The following PDLIM2 variants were observed in gnomAD, a reference collection of about 807,000 sequenced individuals.
PDLIM2 encodes PDZ and LIM domain 2.
PDLIM2 carries 51 observed loss-of-function variants against 54.1 expected under a neutral mutation model. That is an observed-to-expected ratio of 0.94 (90% CI 0.75 to 1.19). The LOEUF (loss-of-function observed/expected upper bound fraction) is 1.19. PDLIM2 is among the 50% of genes most tolerant of loss of function. PDLIM2 has a pLI of 0.00. For synonymous variants in PDLIM2, 398 were observed against 385.6 expected, an observed-to-expected ratio of 1.03 and a Z score of -0.38; for missense variants, 912 against 874.0, an observed-to-expected ratio of 1.04 and a Z score of -0.55.
chr8:22,597,000 G>A, downstream of PDLIM2: 1 of 150,730 alleles, frequency 6.6e-6, no homozygotes, highest in South Asian at 2.1e-4. Context: ...TCCAGGCACA[G>A]CTCTGGTCAC....
At chr8:22,580,573 G>A (rs1472454645) in intron 1 of PDLIM2, 2 of 1,613,664 alleles carry the variant, frequency 1.2e-6, no homozygotes, top group South Asian at 2.2e-5. Flanking sequence ...TAGGGGCATG[G>A]ACTTCACCTC....
At chr8:22,588,828 A>C in intron 6 of PDLIM2, 1 of 192,410 alleles carries the variant, frequency 5.2e-6, no homozygotes, top group Admixed American at 5.8e-5. Flanking sequence ...GCCGGCCCTG[A>C]CTCCCAGGGG....
At chr8:22,589,886 C>A (rs538918626) in intron 8 of PDLIM2, 145 bp downstream of exon 7, 4 of 1,175,558 alleles carry the variant, frequency 3.4e-6, no homozygotes, top group African/African-American at 3.1e-5. Context: ...GAGCGCGAAG[C>A]CCCAGCCCCT....
At chr8:22,582,909 AC>A (rs1307370816) in intron 3 of PDLIM2, among the ~76,000 whole-genome samples, 2,685 of 37,264 alleles carry the variant, frequency 0.072, 93 homozygotes, top group African/African-American at 0.19. Flanking sequence ...CGTGATGCCC[AC>A]CCCCCCCCCC....
At chr8:22,580,509 C>T (rs1800156085) in intron 1 of PDLIM2, 2 of 1,598,994 alleles carry the variant, frequency 1.3e-6, no homozygotes, top group Admixed American at 1.7e-5. Flanking sequence ...GTGGTGCCCT[C>T]TCCTTCTCCC....
rs1486621502 is a variant in PDLIM2 at position 22,581,550 on chromosome 8, A to C, written c.995+20A>C. On this transcript the variant is annotated intron_variant, in intron 3 of 9. Coordinates refer to ENST00000308354, the Ensembl canonical transcript of PDLIM2. ...GGACCGGTAGGGCCTCCCGCTCTGC[A>C]GAGCCTGTGGCATTCCCCCTCCTCC... The C allele has an allele frequency of 1.3e-6, 2 of 1,552,808 alleles. No homozygotes were observed. The highest frequency in any genetic ancestry group is 2.7e-5 in the African/African-American group (2 of 74,146).
chr8:22,589,120 C>T (rs543056038), intron 6 of PDLIM2, 178 bp from the exon 6 acceptor site: 10 of 519,402 alleles, frequency 1.9e-5, no homozygotes, highest in African/African-American at 4.4e-5. Context: ...GCCCGCTGGT[C>T]GGCGAGGGCT....
exon 10 of PDLIM2, chr8:22,594,159 A>C (rs1276429840): frequency 1.4e-6 from 2 of 1,416,404 alleles, no homozygotes; most frequent in African/African-American, 2.9e-5. Flanking sequence ...ACTGCCTTTG[A>C]TCAACCTTTG....
In PDLIM2 at chr8:22,587,260, C is replaced by T. The variant is rs1303499312; in HGVS notation, c.1290+1861C>T. 1.5e-4 allele frequency among the ~76,000 whole-genome samples: 23 copies of T among 152,096 alleles called. 1 individual carries two copies. The highest frequency in any genetic ancestry group is 4.4e-5 in the Non-Finnish European group (3 of 68,022). On this transcript the variant is annotated intron_variant, in intron 6 of 9. Transcript: ENST00000308354. ...TTGAGAATCACTGTGTAGCTGGGTG[C>T]TGTGACATGTGCCTGGAGCCCCAGC...
chr8:22,594,781 G>A (rs1215443812), downstream of PDLIM2: 3 of 1,378,274 alleles, frequency 2.2e-6, no homozygotes, highest in Admixed American at 2.9e-5. Context: ...TTGGAGGGGG[G>A]AAAAAGGGCA....
intron 6 of PDLIM2, among the ~76,000 whole-genome samples, chr8:22,586,084 G>A (rs1331987029): frequency 6.6e-6 from 1 of 152,172 alleles, no homozygotes; most frequent in African/African-American, 2.4e-5. Flanking sequence ...GGCGTGGGGG[G>A]CACGTCCAGC....
In PDLIM2 at chr8:22,594,056, G is replaced by C. The variant is rs898944976; in HGVS notation, c.*146G>C. 4.8e-6 allele frequency: 7 copies of C among 1,446,600 alleles called. No individual in the cohort carries two copies. In the African/African-American group the frequency reaches 1.0e-4, roughly 21 times the overall value. 89.6% of individuals were successfully genotyped at this position (1,446,600 alleles called of 1,614,324 possible). ...CCTTTGTCCTCGCTGGGTGGGCCAA[G>C]GTCTGGGACCTGTCTTGGACTGTGG... On this transcript the variant is annotated 3_prime_UTR_variant, in exon 10 of 10. Coordinates refer to ENST00000308354, the Ensembl canonical transcript of PDLIM2.
At chr8:22,589,356 C>A in exon 7 of PDLIM2, 1 of 1,534,948 alleles carries the variant, frequency 6.5e-7, no homozygotes, top group Non-Finnish European at 8.7e-7. Context: ...TCCCCGGGCC[C>A]TCGTTCCTCC....
chr8:22,581,280 C>T, intron 2 of PDLIM2, 99 bp from the exon 2 acceptor site: 7 of 1,466,900 alleles, frequency 4.8e-6, no homozygotes, highest in Non-Finnish European at 6.4e-6. Context: ...GCAGGCCGGC[C>T]TGGGTCAAGC....
chr8:22,594,068 G>A (rs1177218189), exon 10 of PDLIM2: 2 of 1,439,240 alleles, frequency 1.4e-6, no homozygotes, highest in Non-Finnish European at 1.8e-6. Flanking sequence ...TCTGGGACCT[G>A]TCTTGGACTG....
At chr8:22,593,960 T>A (rs535229220) in exon 10 of PDLIM2, 1 of 1,521,934 alleles carries the variant, frequency 6.6e-7, no homozygotes, top group African/African-American at 1.4e-5. Context: ...GTCATGCCTA[T>A]ATAAGTTGGC....
intron 9 of PDLIM2, chr8:22,592,756 G>A (rs1398898536): frequency 2.0e-5 from 3 of 152,274 alleles, no homozygotes; most frequent in Non-Finnish European, 4.4e-5. Flanking sequence ...GAATTCCCCA[G>A]TGATGCGGAT....
In PDLIM2 at chr8:22,585,180, T is replaced by C; in HGVS notation, c.1211+18T>C. On this transcript the variant is annotated intron_variant, in intron 5 of 9. Transcript: ENST00000308354. ...AGCCGCAGGTGAGTGTGCCTGTGAG[T>C]GGGTACCCTGGTCGCCTGCGCTGCC... is the stretch of plus-strand genomic sequence containing the variant. 6.2e-7 allele frequency: 1 copy of C among 1,611,612 alleles called. No homozygotes were observed.
intron 6 of PDLIM2, 124 bp from the exon 6 acceptor site, chr8:22,589,174 C>T (rs934731136): frequency 9.6e-6 from 9 of 936,974 alleles, no homozygotes; most frequent in Non-Finnish European, 9.8e-6. Flanking sequence ...GGCAGGGGTC[C>T]GCTGGTCGGC....
Sources: allele counts gnomAD v4.1 joint callset (sites outside exome capture counted in the v4.1 genomes callset), GRCh38; gene constraint gnomAD v4.1.1; transcripts MANE v1.5; gene names NCBI Gene and HGNC (gene_info 2026-07-23, HGNC 2026-07-21).